The following DLC1 variants were observed in gnomAD, a reference collection of about 807,000 sequenced individuals.
The protein encoded by DLC1 is DLC1 Rho GTPase activating protein, also known as rho GTPase-activating protein 7.
A neutral mutation model predicts 140.3 loss-of-function variants in DLC1; 54 were observed. The ratio of observed to expected loss-of-function variants is 0.38; its 90% confidence interval spans 0.31 to 0.48. The LOEUF is 0.48. Among genes scored for constraint, DLC1 ranks in the 20% least tolerant of loss-of-function variants. The pLI, the probability that DLC1 is intolerant of heterozygous loss-of-function variation, is 0.96. For synonymous variants in DLC1, 986 were observed against 728.1 expected, an observed-to-expected ratio of 1.35 and a Z score of -5.70; for missense variants, 2,536 against 1,907.0, an observed-to-expected ratio of 1.33 and a Z score of -6.14.
intron 5 of DLC1, among the ~76,000 whole-genome samples, chr8:13,163,501 A>G (rs77700407): frequency 0.038 from 5,743 of 152,220 alleles, 368 homozygotes; most frequent in African/African-American, 0.13. Context: ...AGGCAGCTCA[A>G]CGAAGTGCCT....
chr8:13,106,406 G>A (rs1000874641), intron 7 of DLC1, among the ~76,000 whole-genome samples: 1 of 152,146 alleles, frequency 6.6e-6, no homozygotes, highest in Non-Finnish European at 1.5e-5. Flanking sequence ...GGAATGCAAT[G>A]GTGCTATCAT....
intron 4 of DLC1, among the ~76,000 whole-genome samples, chr8:13,314,549 C>T (rs1832793112): frequency 6.6e-6 from 1 of 151,932 alleles, no homozygotes; most frequent in Non-Finnish European, 1.5e-5. Context: ...TAATTACTAC[C>T]AATTATATTC....
intron 5 of DLC1, among the ~76,000 whole-genome samples, chr8:13,121,712 C>T (rs778427897): frequency 7.7e-6 from 1 of 129,200 alleles, no homozygotes; most frequent in Non-Finnish European, 1.6e-5. Flanking sequence ...CCATGCCTGG[C>T]TAAGTTTTTA....
intron 1 of DLC1, among the ~76,000 whole-genome samples, chr8:13,589,955 T>C (rs956721603): frequency 2.6e-5 from 4 of 151,896 alleles, no homozygotes; most frequent in African/African-American, 9.7e-5. Context: ...TATAGTATTA[T>C]TGTTCTTCTT....
At chr8:13,502,268 T>C (rs534503912) in intron 1 of DLC1, among the ~76,000 whole-genome samples, 4 of 152,290 alleles carry the variant, frequency 2.6e-5, no homozygotes, top group African/African-American at 9.6e-5. Context: ...ATAAATAAGA[T>C]AAATCCAATA....
At chr8:13,197,180 C>A (rs1056916276) in intron 5 of DLC1, among the ~76,000 whole-genome samples, 7 of 152,120 alleles carry the variant, frequency 4.6e-5, no homozygotes, top group South Asian at 4.1e-4. Context: ...ATTGAATGAT[C>A]TTCAAAATTT....
intron 4 of DLC1, among the ~76,000 whole-genome samples, chr8:13,319,157 A>G (rs1832982914): frequency 1.3e-5 from 2 of 152,250 alleles, no homozygotes; most frequent in African/African-American, 2.4e-5. Flanking sequence ...TGTGTAGTTT[A>G]TAAAACTGTT....
intron 5 of DLC1, among the ~76,000 whole-genome samples, chr8:13,174,114 T>C (rs940925142): frequency 2.0e-5 from 3 of 152,138 alleles, no homozygotes; most frequent in Admixed American, 2.0e-4. Flanking sequence ...ACTGTGGTAT[T>C]TGGTTTTCTG....
chr8:13,429,781 C>T (rs941266460), intron 2 of DLC1, among the ~76,000 whole-genome samples: 4 of 152,150 alleles, frequency 2.6e-5, no homozygotes, highest in South Asian at 2.1e-4. Context: ...AACAAATTTT[C>T]AGCTACGTAT....
chr8:13,127,527 G>C (rs1394575870), intron 5 of DLC1, among the ~76,000 whole-genome samples: 1 of 152,222 alleles, frequency 6.6e-6, no homozygotes, highest in Non-Finnish European at 1.5e-5. Flanking sequence ...TCCCTTATGA[G>C]TTTATGGTTT....
upstream of DLC1, among the ~76,000 whole-genome samples, chr8:13,517,997 A>C (rs1802645227): frequency 6.6e-6 from 1 of 152,208 alleles, no homozygotes; most frequent in Non-Finnish European, 1.5e-5. Flanking sequence ...CTCCAAGTTA[A>C]ATGTATACAT....
intron 5 of DLC1, among the ~76,000 whole-genome samples, chr8:13,163,950 A>T (rs907237372): frequency 1.3e-5 from 2 of 151,986 alleles, no homozygotes; most frequent in Non-Finnish European, 2.9e-5. Flanking sequence ...GGCTTCAGTG[A>T]GCCATGACTG....
intron 4 of DLC1, among the ~76,000 whole-genome samples, chr8:13,383,652 G>C (rs1836373874): frequency 6.6e-6 from 1 of 152,128 alleles, no homozygotes; most frequent in Non-Finnish European, 1.5e-5. Context: ...GGGCTAGTCT[G>C]CGTGATCAGT....
chr8:13,590,401 G>A (rs1805479111), intron 1 of DLC1, among the ~76,000 whole-genome samples: 1 of 152,026 alleles, frequency 6.6e-6, no homozygotes, highest in Non-Finnish European at 1.5e-5. Context: ...AGTGTGAGAA[G>A]GTGGTCATAT....
intron 16 of DLC1, 105 bp from the exon 17 acceptor site, chr8:13,086,568 C>G: frequency 7.5e-7 from 1 of 1,337,362 alleles, no homozygotes; most frequent in Non-Finnish European, 1.0e-6. Context: ...GGGTCAGGCT[C>G]AGTGGCCATG....
At chr8:13,480,814 G>A (rs528894970) in intron 2 of DLC1, among the ~76,000 whole-genome samples, 28 of 152,152 alleles carry the variant, frequency 1.8e-4, no homozygotes, top group Non-Finnish European at 2.6e-4. Flanking sequence ...TGAGGCAGGA[G>A]AATCGCTTGA....
At chr8:13,128,042 A>G (rs1821732265) in intron 5 of DLC1, among the ~76,000 whole-genome samples, 1 of 141,428 alleles carries the variant, frequency 7.1e-6, no homozygotes, top group Non-Finnish European at 1.5e-5. Context: ...CTAGTAGAAC[A>G]AAAAAAAAAA....
intron 5 of DLC1, among the ~76,000 whole-genome samples, chr8:13,220,694 T>C (rs1188298): frequency 0.59 from 88,974 of 152,070 alleles, 27,277 homozygotes; most frequent in East Asian, 0.85. Flanking sequence ...AGTGGGGACA[T>C]GCACAGCATA....
rs879203952 is a variant in DLC1 at position 13,085,665 on chromosome 8, G to T, written c.*146C>A. The T allele has an allele frequency of 4.9e-6, 6 of 1,233,438 alleles. No individual in the cohort carries two copies. Among genetic ancestry groups the T allele is most frequent in the Admixed American group, 2.6e-5 (1 of 38,882 alleles). 76.4% of individuals were successfully genotyped at this position (1,233,438 alleles called of 1,614,324 possible). ...ACAAACAGGAAGCAGCTTTAAAAAT[G>T]TATCAAATTGCTATAGTCAATTCCT... is the stretch of plus-strand genomic sequence containing the variant. On this transcript the variant is annotated 3_prime_UTR_variant, in exon 18 of 18. Transcript: ENST00000276297.
Sources: allele counts gnomAD v4.1 joint callset (sites outside exome capture counted in the v4.1 genomes callset), GRCh38; gene constraint gnomAD v4.1.1; transcripts MANE v1.5; gene names NCBI Gene and HGNC (gene_info 2026-07-23, HGNC 2026-07-21).